TLK2: variants seen among roughly 807,000 people sequenced by gnomAD.
TLK2 encodes the protein tousled like kinase 2, also known as serine/threonine-protein kinase tousled-like 2.
A neutral mutation model predicts 117.3 loss-of-function variants in TLK2; 6 were observed. That is an observed-to-expected ratio of 0.05 (90% CI 0.03 to 0.10). The LOEUF is 0.10. Among genes scored for constraint, TLK2 ranks in the 10% least tolerant of loss-of-function variants. The pLI is 1.00. For missense variants in TLK2, 299 were observed against 901.2 expected (o/e 0.33, Z 8.56); for synonymous variants, 257 against 316.7 (o/e 0.81, Z 2.00).
intron 11 of TLK2, among the ~76,000 whole-genome samples, chr17:62,570,095 G>A (rs923116977): frequency 6.6e-6 from 1 of 152,026 alleles, no homozygotes; most frequent in Admixed American, 6.6e-5. Context: ...CGGTCATATT[G>A]GATTAAGGTC....
At chr17:62,599,402 C>T (rs766893948) in intron 17 of TLK2, among the ~76,000 whole-genome samples, 9 of 152,188 alleles carry the variant, frequency 5.9e-5, no homozygotes, top group African/African-American at 2.2e-4. Flanking sequence ...TCTGTTTGCT[C>T]TCAGTTCTGT....
intron 15 of TLK2, among the ~76,000 whole-genome samples, chr17:62,583,653 C>CT (rs1181079859): frequency 6.6e-6 from 1 of 152,052 alleles, no homozygotes; most frequent in Non-Finnish European, 1.5e-5. Context: ...TGGCTCACTG[C>CT]TGCAACCTCT....
chr17:62,526,278 T>G (rs1332391270), intron 6 of TLK2, among the ~76,000 whole-genome samples: 1 of 152,244 alleles, frequency 6.6e-6, no homozygotes, highest in East Asian at 1.9e-4. Flanking sequence ...ACTGGCCTCA[T>G]GTATACCTCT....
intron 2 of TLK2, among the ~76,000 whole-genome samples, chr17:62,515,973 G>A (rs2075549316): frequency 6.6e-6 from 1 of 151,966 alleles, no homozygotes; most frequent in South Asian, 2.1e-4. Context: ...AGCCCAGGCT[G>A]GAGTGCAGTG....
intron 9 of TLK2, among the ~76,000 whole-genome samples, chr17:62,554,958 A>G (rs906309921): frequency 6.7e-6 from 1 of 149,572 alleles, no homozygotes; most frequent in Non-Finnish European, 1.5e-5. Flanking sequence ...GGGATTAAAC[A>G]TTTGGTACAT....
intron 2 of TLK2, among the ~76,000 whole-genome samples, chr17:62,511,278 T>G (rs756683327): frequency 1.3e-5 from 2 of 152,194 alleles, no homozygotes; most frequent in Non-Finnish European, 2.9e-5. Flanking sequence ...CCACTCACTC[T>G]CCCTTGAAAA....
chr17:62,600,243 CAA>C (rs11290220), intron 17 of TLK2: 30 of 150,654 alleles, frequency 2.0e-4, no homozygotes, highest in East Asian at 5.8e-4. Flanking sequence ...GACGGAGTCT[CAA>C]AAAAAAAAAG....
chr17:62,602,001 C>G, intron 18 of TLK2, 41 bp from the exon 19 acceptor site: 1 of 1,577,630 alleles, frequency 6.3e-7, no homozygotes, highest in East Asian at 2.3e-5. Flanking sequence ...TCTCTTAAAT[C>G]AGTAAGTCTC....
intron 21 of TLK2, among the ~76,000 whole-genome samples, chr17:62,609,532 A>G (rs1378824426): frequency 6.6e-6 from 1 of 152,230 alleles, no homozygotes; most frequent in Non-Finnish European, 1.5e-5. Flanking sequence ...GCAGTTGTTT[A>G]TAATTCCTGA....
chr17:62,471,310 T>C (rs1461051176), intron 1 of TLK2, among the ~76,000 whole-genome samples: 1 of 152,176 alleles, frequency 6.6e-6, no homozygotes, highest in African/African-American at 2.4e-5. Flanking sequence ...ATAGGGCATT[T>C]GACAAATGCC....
intron 2 of TLK2, among the ~76,000 whole-genome samples, chr17:62,493,585 A>G (rs1423515974): frequency 6.6e-6 from 1 of 152,210 alleles, no homozygotes; most frequent in Non-Finnish European, 1.5e-5. Context: ...AGGGACAGCT[A>G]GAAAATAGTG....
chr17:62,599,447 G>A (rs1056488123), intron 17 of TLK2, among the ~76,000 whole-genome samples: 4 of 152,162 alleles, frequency 2.6e-5, no homozygotes, highest in African/African-American at 4.8e-5. Flanking sequence ...TCTTTGGGGG[G>A]TTAGCCCGTG....
chr17:62,503,577 T>A (rs7208845), intron 2 of TLK2, among the ~76,000 whole-genome samples: 28 of 151,996 alleles, frequency 1.8e-4, no homozygotes, highest in Non-Finnish European at 3.1e-4. Context: ...TGCCACCATG[T>A]CTGGCTAATT....
intron 13 of TLK2, 119 bp downstream of exon 13, chr17:62,576,894 C>A: frequency 1.5e-6 from 1 of 680,008 alleles, no homozygotes; most frequent in Non-Finnish European, 2.6e-6. Flanking sequence ...CAGAAAGCTT[C>A]AGTGACTGCT....
In TLK2 at chr17:62,505,990, G is replaced by A. The variant is rs187023925; in HGVS notation, c.82-14783G>A. Among the ~76,000 whole-genome samples, 497 of 152,340 alleles carry A rather than the reference G, an allele frequency of 3.3e-3. 1 individual carries two copies. Among genetic ancestry groups the A allele is most frequent in the Middle Eastern group, 6.8e-3 (2 of 294 alleles). On this transcript the variant is annotated intron_variant, in intron 2 of 21. Coordinates refer to ENST00000346027, the MANE Select transcript of TLK2 (RefSeq NM_006852.6). Reference sequence around the variant, plus strand: ...TTACAGGTGTGAGCCTCCGCACCCAGTCAATACACTTTAATCCAAGTCAGT... The same window carrying A: ...TTACAGGTGTGAGCCTCCGCACCCAATCAATACACTTTAATCCAAGTCAGT...
At chr17:62,532,174 T>G (rs142452019) in intron 6 of TLK2, among the ~76,000 whole-genome samples, 255 of 152,218 alleles carry the variant, frequency 1.7e-3, no homozygotes, top group Middle Eastern at 6.8e-3. Context: ...TTAATGTTTT[T>G]TTGTTGTTGT....
chr17:62,546,667 T>C (rs1387152324), intron 7 of TLK2, among the ~76,000 whole-genome samples: 3 of 151,466 alleles, frequency 2.0e-5, no homozygotes, highest in Non-Finnish European at 2.9e-5. Context: ...GCGATTCTTC[T>C]GCCTCAGCCT....
chr17:62,603,204 G>T (rs754930251), intron 19 of TLK2, among the ~76,000 whole-genome samples: 2 of 152,188 alleles, frequency 1.3e-5, no homozygotes, highest in Admixed American at 6.5e-5. Flanking sequence ...GGGGCATGGC[G>T]TTCACAACAC....
chr17:62,592,680 C>T (rs574248899), intron 16 of TLK2, among the ~76,000 whole-genome samples: 4 of 152,076 alleles, frequency 2.6e-5, no homozygotes, highest in Non-Finnish European at 2.9e-5. Flanking sequence ...TTCCATGGAC[C>T]GGGGACAGGG....
Sources: allele counts gnomAD v4.1 joint callset (sites outside exome capture counted in the v4.1 genomes callset), GRCh38; gene constraint gnomAD v4.1.1; transcripts MANE v1.5; gene names NCBI Gene and HGNC (gene_info 2026-07-23, HGNC 2026-07-21).